EXD3: variants seen among roughly 807,000 people sequenced by gnomAD.
EXD3 encodes the protein exonuclease mut-7 homolog.
A neutral mutation model predicts 98.0 loss-of-function variants in EXD3; 92 were observed. The observed-to-expected ratio is 0.94, with a 90% CI of 0.79 to 1.12. The LOEUF (loss-of-function observed/expected upper bound fraction) is 1.12, where lower values mean the gene tolerates loss of function less well. Ranked by LOEUF, EXD3 falls within the 50% of genes most tolerant of loss-of-function variation. The pLI is 0.00. For missense variants in EXD3, 1,222 were observed against 1,191.6 expected (o/e 1.03, Z -0.38); for synonymous variants, 569 against 526.0 (o/e 1.08, Z -1.12).
intron 2 of EXD3, chr9:137,392,746 G>A (rs1307268908): frequency 5.5e-6 from 2 of 366,076 alleles, no homozygotes; most frequent in Non-Finnish European, 1.0e-5. Flanking sequence ...TGTTCCAGGG[G>A]GCACCGAGGC....
At chr9:137,343,614 A>G (rs1279929439) in intron 17 of EXD3, 1 of 43,860 alleles carries the variant, frequency 2.3e-5, no homozygotes, top group Non-Finnish European at 3.6e-5. Context: ...TTTGAGACGG[A>G]GTCTCGCTCT....
intron 1 of EXD3, among the ~76,000 whole-genome samples, chr9:137,419,918 G>A (rs924837872): frequency 6.6e-6 from 1 of 152,156 alleles, no homozygotes; most frequent in Non-Finnish European, 1.5e-5. Context: ...CCAGCACTTT[G>A]GGAGGCCAAG....
In EXD3 at chr9:137,319,183, G is replaced by A. The variant is rs553818087; in HGVS notation, c.2184+4542C>T. On this transcript the variant is annotated intron_variant, in intron 19 of 21. Coordinates refer to ENST00000340951, the MANE Select transcript of EXD3 (RefSeq NM_017820.5). ...GCGGAGGGCCGATCTCTCCTGCTGC[G>A]TCAGCCTGAGCGTGCCGCTCTCTGC... Among the ~76,000 whole-genome samples, 8 of 152,364 alleles carry A rather than the reference G, an allele frequency of 5.3e-5. No individual in the cohort carries two copies. The East Asian group carries it at 5.8e-4, about 11-fold the overall frequency.
In EXD3 at chr9:137,388,827, G is replaced by T. The variant is rs550785655; in HGVS notation, c.56-5450C>A. ...ATCAGACCCCGCGGCAGTGAGTGTA[G>T]AAGAGCCCGGCCGCCCAGACCAGAC... is the stretch of plus-strand genomic sequence containing the variant. On this transcript the variant is annotated intron_variant, in intron 2 of 21. Coordinates refer to ENST00000340951, the MANE Select transcript of EXD3 (RefSeq NM_017820.5). Among the ~76,000 whole-genome samples, 162 of 152,322 alleles carry T rather than the reference G, an allele frequency of 1.1e-3. No homozygotes were observed. In the Middle Eastern group the frequency reaches 0.024, roughly 22 times the overall value.
Position 137,347,972 on chromosome 9 carries a change from G to C in EXD3, c.1998+99C>G, listed in dbSNP as rs1403075931. On this transcript the variant is annotated intron_variant, in intron 17 of 21. Transcript: ENST00000340951. This position sits in a 1 kb window ranked among gnomAD's most constrained non-coding sequence, Gnocchi z 4.2. ...CTGCCTGGCACAGCTGGCAGCCATGGATGAGCTGGAGGGAGGAGTTTGATG... is the reference window on the plus strand; with the variant it reads ...CTGCCTGGCACAGCTGGCAGCCATGCATGAGCTGGAGGGAGGAGTTTGATG... 26 of 1,365,224 alleles carry C rather than the reference G, an allele frequency of 1.9e-5. No individual in the cohort carries two copies. Among genetic ancestry groups the C allele is most frequent in the Non-Finnish European group, 2.3e-5 (23 of 1,012,292 alleles). The allele number at this position is 1,365,224 out of a possible 1,614,324, so 84.6% of individuals were successfully genotyped here.
At chr9:137,368,652 GC>G (rs1215785148) in intron 5 of EXD3, among the ~76,000 whole-genome samples, 6 of 152,232 alleles carry the variant, frequency 3.9e-5, no homozygotes, top group Admixed American at 2.6e-4. Context: ...GAGCATCGGC[GC>G]CCCGCCCCCG....
In EXD3 at chr9:137,422,834, G is replaced by T. The variant is rs114789480; in HGVS notation, c.-48+280C>A. ...ATGTCCGTGCTCGGAAGGCGCGGAG[G>T]AGGGCAGGCCCTGCGGGACAGGGCG... On this transcript the variant is annotated intron_variant, in intron 1 of 21. Coordinates refer to ENST00000340951, the MANE Select transcript of EXD3 (RefSeq NM_017820.5). Among the ~76,000 whole-genome samples, 387 of 152,280 alleles carry T rather than the reference G, an allele frequency of 2.5e-3. 2 individuals are homozygous for T. Among genetic ancestry groups the T allele is most frequent in the African/African-American group, 9.1e-3 (380 of 41,578 alleles).
chr9:137,413,118 A>G (rs1159300462), intron 1 of EXD3, among the ~76,000 whole-genome samples: 1 of 152,106 alleles, frequency 6.6e-6, no homozygotes, highest in Non-Finnish European at 1.5e-5. Context: ...TATAATTCAC[A>G]TACCATAAAA....
chr9:137,354,529 C>A, intron 9 of EXD3, 152 bp from the exon 10 acceptor site: 1 of 1,535,166 alleles, frequency 6.5e-7, no homozygotes, highest in African/African-American at 1.4e-5. Context: ...AGCCAGGGCC[C>A]CATGGCCTCC....
intron 1 of EXD3, among the ~76,000 whole-genome samples, chr9:137,397,655 C>T (rs1015324529): frequency 6.6e-6 from 1 of 152,186 alleles, no homozygotes; most frequent in African/African-American, 2.4e-5. Flanking sequence ...ACTGCGTTCA[C>T]AGAATGAACA....
intron 17 of EXD3, among the ~76,000 whole-genome samples, chr9:137,334,005 G>A (rs1290817410): frequency 1.3e-5 from 2 of 151,100 alleles, no homozygotes. Flanking sequence ...ACCAAGCCCA[G>A]CAAATTTTTT....
At chr9:137,327,181 T>A (rs1403856126) in intron 17 of EXD3, among the ~76,000 whole-genome samples, 1 of 150,854 alleles carries the variant, frequency 6.6e-6, no homozygotes, top group African/African-American at 2.4e-5. Flanking sequence ...TCGCCCAGGC[T>A]GGAGTGCAGT....
At chr9:137,379,686 G>A (rs924189134) in intron 3 of EXD3, among the ~76,000 whole-genome samples, 2 of 151,942 alleles carry the variant, frequency 1.3e-5, no homozygotes, top group African/African-American at 2.4e-5. Context: ...TTTATATGTC[G>A]TGCATCTTAC....
chr9:137,352,341 C>G, intron 11 of EXD3, 140 bp from the exon 12 acceptor site: 1 of 1,246,634 alleles, frequency 8.0e-7, no homozygotes, highest in South Asian at 1.4e-5. Context: ...CGGCTCAGTC[C>G]AGCCCAGCGT....
chr9:137,349,593 C>T lies in EXD3; in HGVS notation c.1495-62G>A. 2.1e-6 allele frequency: 3 copies of T among 1,454,086 alleles called. No homozygotes were observed. The highest frequency in any genetic ancestry group is 2.7e-6 in the Non-Finnish European group (3 of 1,103,368). 90.1% of individuals were successfully genotyped at this position (1,454,086 alleles called of 1,614,324 possible). A position where few individuals can be genotyped will look rare whatever the true frequency, so the allele number is the denominator to read the frequency against. The stretch of plus-strand genomic sequence containing the variant: ...CCCTGGCGGCAGCACAGTCACCGTG[C>T]CCACTCACACCAGCCCTGCGGGGGC... On this transcript the variant is annotated intron_variant, in intron 14 of 21. Coordinates refer to ENST00000340951, the MANE Select transcript of EXD3 (RefSeq NM_017820.5). This position sits in a 1 kb window ranked among gnomAD's most constrained non-coding sequence, Gnocchi z 7.4.
intron 19 of EXD3, among the ~76,000 whole-genome samples, chr9:137,318,533 G>T (rs534092423): frequency 6.6e-6 from 1 of 152,296 alleles, no homozygotes; most frequent in Admixed American, 6.5e-5. Context: ...CATGTCAGGG[G>T]TTCATGGTAA....
At chr9:137,323,444 C>T (rs1432622994) in intron 19 of EXD3, among the ~76,000 whole-genome samples, 4 of 29,610 alleles carry the variant, frequency 1.4e-4, no homozygotes, top group Admixed American at 5.3e-4. Context: ...GACACCCCAC[C>T]CCGGACCCAC....
intron 1 of EXD3, among the ~76,000 whole-genome samples, chr9:137,416,997 A>G (rs1022368727): frequency 9.2e-5 from 14 of 152,150 alleles, no homozygotes; most frequent in Admixed American, 4.6e-4. Context: ...GGAGGGTCTG[A>G]CCAAGGGGAC....
rs1834010146 is a variant in EXD3, at chr9:137,347,806, T to C, written c.1998+265A>G. 6.6e-6 allele frequency among the ~76,000 whole-genome samples: 1 copy of C among 152,212 alleles called. No homozygotes were observed. The highest frequency in any genetic ancestry group is 1.5e-5 in the Non-Finnish European group (1 of 68,044). Reference sequence around the variant, plus strand: ...GCCCACCCAAATAAGATAGACTCTCTATTTTAAGTTCAACTGATTAATAGT... The same window carrying C: ...GCCCACCCAAATAAGATAGACTCTCCATTTTAAGTTCAACTGATTAATAGT... On this transcript the variant is annotated intron_variant, in intron 17 of 21. Coordinates refer to ENST00000340951, the MANE Select transcript of EXD3 (RefSeq NM_017820.5). This position sits in a 1 kb window ranked among gnomAD's most constrained non-coding sequence, Gnocchi z 4.2.
Sources: gnomAD v4.1 joint callset for allele counts (sites outside exome capture counted in the v4.1 genomes callset) on GRCh38, gnomAD v4.1.1 for gene constraint, Gnocchi (gnomAD v3.1) non-coding constraint, MANE v1.5 for transcripts, NCBI Gene and HGNC (gene_info 2026-07-23, HGNC 2026-07-21) for gene names.